Variants in TRIM61 observed in about 807,000 individuals in gnomAD.
TRIM61 encodes the protein tripartite motif containing 61, also known as putative tripartite motif-containing protein 61.
In TRIM61, 1 loss-of-function variant was observed where a neutral mutation model predicts 14.2. The observed-to-expected ratio is 0.07, with a 90% CI of 0.03 to 0.33. The LOEUF (loss-of-function observed/expected upper bound fraction) is 0.33. TRIM61 is among the 10% of genes least tolerant of loss of function. The pLI is 0.99. For synonymous variants in TRIM61, 8 were observed against 71.6 expected, an observed-to-expected ratio of 0.11 and a Z score of 4.49; for missense variants, 19 against 202.2, an observed-to-expected ratio of 0.09 and a Z score of 5.49.
chr4:164,954,531 T>C lies in TRIM61; in HGVS notation c.*254A>G, dbSNP rs1026796301. 2.0e-5 allele frequency: 3 copies of C among 152,354 alleles called. No homozygotes were observed. The highest frequency in any genetic ancestry group is 4.8e-5 in the African/African-American group (2 of 41,582). The allele number at this position is 152,354 out of a possible 1,614,324, so 9.4% of individuals were successfully genotyped here. On this transcript the variant is annotated 3_prime_UTR_variant, in exon 5 of 5. Coordinates refer to ENST00000329314, the MANE Select transcript of TRIM61 (RefSeq NM_001012414.3). Reference sequence around the variant, plus strand: ...ATTCCAATATACATCTAAAATTATATATATTGATTATAATTCAATATGTTC... The same window carrying C: ...ATTCCAATATACATCTAAAATTATACATATTGATTATAATTCAATATGTTC...
At chr4:164,960,788 T>C (rs1298500447) in intron 3 of TRIM61, among the ~76,000 whole-genome samples, 2 of 151,940 alleles carry the variant, frequency 1.3e-5, no homozygotes, top group African/African-American at 4.8e-5. Context: ...CCATCTCTAC[T>C]GAATATACAA....
chr4:164,971,249 C>G (rs1014069191), intron 2 of TRIM61, among the ~76,000 whole-genome samples: 1 of 152,102 alleles, frequency 6.6e-6, no homozygotes, highest in Non-Finnish European at 1.5e-5. Flanking sequence ...TATCTATATA[C>G]TGATGCACAG....
chr4:164,976,316 TTTC>T (rs1351744011), intron 2 of TRIM61, among the ~76,000 whole-genome samples: 2 of 152,180 alleles, frequency 1.3e-5, no homozygotes, highest in Non-Finnish European at 2.9e-5. Context: ...TCTTATTTCT[TTTC>T]TCAGTCTCTC....
At chr4:164,972,962 G>C (rs372973197) in intron 2 of TRIM61, among the ~76,000 whole-genome samples, 2 of 152,082 alleles carry the variant, frequency 1.3e-5, no homozygotes, top group East Asian at 3.9e-4. Context: ...TCTTCATCTG[G>C]CTACAGTCTC....
chr4:164,974,786 A>G (rs1314982377), intron 2 of TRIM61, among the ~76,000 whole-genome samples: 1 of 152,172 alleles, frequency 6.6e-6, no homozygotes, highest in African/African-American at 2.4e-5. Context: ...ACCTGCCCAC[A>G]CTAAGCGTGG....
chr4:164,959,806 G>A (rs8180162), intron 3 of TRIM61, among the ~76,000 whole-genome samples: 24,004 of 152,112 alleles, frequency 0.16, 2,761 homozygotes, highest in East Asian at 0.61. Flanking sequence ...CTCCTGGCTC[G>A]ATTAATACAA....
intron 3 of TRIM61, among the ~76,000 whole-genome samples, chr4:164,955,782 TG>T (rs1731973756): frequency 2.0e-5 from 3 of 151,988 alleles, no homozygotes; most frequent in African/African-American, 7.2e-5. Context: ...CACACCCAGA[TG>T]GAAGCACAAT....
intron 3 of TRIM61, chr4:164,968,967 T>C (rs2111146033): frequency 3.0e-6 from 3 of 1,012,584 alleles, no homozygotes; most frequent in Admixed American, 5.2e-5. Context: ...CTGCCACAAC[T>C]ATATCCCTTA....
chr4:164,965,267 AAC>A (rs1732212645), intron 3 of TRIM61, among the ~76,000 whole-genome samples: 1 of 145,938 alleles, frequency 6.9e-6, no homozygotes, highest in African/African-American at 2.6e-5. Flanking sequence ...CAGCCTGGAC[AAC>A]AGAGTGAGCC....
chr4:164,973,093 C>T (rs1441409036), intron 2 of TRIM61, among the ~76,000 whole-genome samples: 1 of 152,174 alleles, frequency 6.6e-6, no homozygotes, highest in African/African-American at 2.4e-5. Flanking sequence ...AAGTTTTGGT[C>T]CTTCTAGAGA....
At chr4:164,957,656 C>T in intron 3 of TRIM61, 2 of 889,342 alleles carry the variant, frequency 2.2e-6, no homozygotes, top group Non-Finnish European at 3.3e-6. Context: ...AGAGATTAAA[C>T]TCTGATTTTG....
In TRIM61 at chr4:164,954,458, T is replaced by C. The variant is rs1018196312; in HGVS notation, c.*327A>G. The C allele has an allele frequency of 2.0e-5, 3 of 152,246 alleles. No individual in the cohort carries two copies. Among genetic ancestry groups the C allele is most frequent in the Non-Finnish European group, 2.9e-5 (2 of 68,042 alleles). 9.4% of individuals were successfully genotyped at this position (152,246 alleles called of 1,614,324 possible). A position where few individuals can be genotyped will look rare whatever the true frequency, so the allele number is the denominator to read the frequency against. The stretch of plus-strand genomic sequence containing the variant: ...ATAGGAAGGAACCTTGGGGAGTTTG[T>C]GCATTTTATTTTTTAACCATCAGTT... On this transcript the variant is annotated 3_prime_UTR_variant, in exon 5 of 5. Coordinates refer to ENST00000329314, the MANE Select transcript of TRIM61 (RefSeq NM_001012414.3).
At chr4:164,964,085 C>T (rs1012093186) in intron 3 of TRIM61, among the ~76,000 whole-genome samples, 3 of 151,858 alleles carry the variant, frequency 2.0e-5, no homozygotes, top group African/African-American at 7.3e-5. Flanking sequence ...CGCGGTGGCT[C>T]ATGCCTGTAA....
intron 3 of TRIM61, among the ~76,000 whole-genome samples, chr4:164,964,697 G>T (rs1313404138): frequency 6.6e-6 from 1 of 152,150 alleles, no homozygotes; most frequent in Non-Finnish European, 1.5e-5. Flanking sequence ...GGGACATAAG[G>T]TTGGTGGTGG....
rs918523112 is a variant in TRIM61 at position 164,960,397 on chromosome 4, G to GA, written c.526-5302dup. On this transcript the variant is annotated intron_variant, in intron 3 of 4. Transcript: ENST00000329314. ...ATCTCTATTAAAAATACAAAAAAAA[G>GA]AAAAAAAAATAGGTAGGCATGGTGG... Among the ~76,000 whole-genome samples, 16 of 149,782 alleles carry GA rather than the reference G, an allele frequency of 1.1e-4. No homozygotes were observed. The East Asian group carries it at 2.2e-3, about 20-fold the overall frequency.
intron 3 of TRIM61, chr4:164,968,718 A>T (rs1444252804): frequency 1.0e-5 from 10 of 983,474 alleles, no homozygotes; most frequent in Non-Finnish European, 1.2e-5. Flanking sequence ...AAATTATAAA[A>T]GGAAACTTCA....
At chr4:164,957,077 G>C (rs1453713596) in intron 3 of TRIM61, 1 of 1,542,244 alleles carries the variant, frequency 6.5e-7, no homozygotes, top group African/African-American at 1.4e-5. Flanking sequence ...CGGACCCAGC[G>C]CCTGGAGAGC....
intron 3 of TRIM61, chr4:164,968,283 C>CAAA: frequency 2.1e-6 from 2 of 958,204 alleles, no homozygotes; most frequent in Non-Finnish European, 2.5e-6. Context: ...ATAAGAAATA[C>CAAA]AGAAAAAAAT....
At chr4:164,973,232 C>T (rs547242919) in intron 2 of TRIM61, among the ~76,000 whole-genome samples, 1 of 152,172 alleles carries the variant, frequency 6.6e-6, no homozygotes, top group South Asian at 2.1e-4. Context: ...CTATTATCCT[C>T]AATTAGAGCT....
Sources: allele counts gnomAD v4.1 joint callset (sites outside exome capture counted in the v4.1 genomes callset), GRCh38; gene constraint gnomAD v4.1.1; transcripts MANE v1.5; gene names NCBI Gene and HGNC (gene_info 2026-07-23, HGNC 2026-07-21).